The following CORO7 variants were observed in gnomAD, a reference collection of about 807,000 sequenced individuals.
The protein encoded by CORO7 is coronin-7.
In CORO7, 107 loss-of-function variants were observed where a neutral mutation model predicts 126.6. The observed-to-expected ratio is 0.85, with a 90% CI of 0.72 to 0.99. The LOEUF is 0.99. Ranked by LOEUF, CORO7 falls within the 50% of genes least tolerant of loss-of-function variation. CORO7 has a pLI of 0.00. For synonymous variants in CORO7, 603 were observed against 536.8 expected (o/e 1.12, Z -1.70); for missense variants, 1,314 against 1,255.8 (o/e 1.05, Z -0.70).
chr16:4,406,689 C>T (rs1225239168), intron 5 of CORO7, among the ~76,000 whole-genome samples: 5 of 151,974 alleles, frequency 3.3e-5, no homozygotes, highest in African/African-American at 4.8e-5. Context: ...TGCAATGGCA[C>T]GATCTCTCTT....
chr16:4,356,168 G>A (rs1343813380), intron 26 of CORO7, among the ~76,000 whole-genome samples: 1 of 151,584 alleles, frequency 6.6e-6, no homozygotes. Context: ...GGTCAGGCTG[G>A]TGTCGAACTC....
At chr16:4,398,395 G>A (rs889241817) in intron 6 of CORO7, among the ~76,000 whole-genome samples, 2 of 152,174 alleles carry the variant, frequency 1.3e-5, no homozygotes, top group African/African-American at 4.8e-5. Context: ...CGGGCGCGGT[G>A]GCTCACGCCT....
intron 25 of CORO7, 54 bp from the exon 26 acceptor site, chr16:4,357,313 G>C (rs894660447): frequency 6.7e-7 from 1 of 1,501,596 alleles, no homozygotes; most frequent in South Asian, 1.3e-5. Flanking sequence ...GGGCTCTTTG[G>C]TGCCAAGCCC....
At position 4,364,603 on chromosome 16, in the gene CORO7, G is replaced by A. The variant is rs1216642753; in HGVS notation, c.1131C>T (p.Asn377=). 3 of 1,559,894 alleles carry A rather than the reference G, an allele frequency of 1.9e-6. No homozygotes were observed. The highest frequency in any genetic ancestry group is 2.7e-5 in the African/African-American group (2 of 73,980). ...TDPHSWWAGD[N]QQVQKVSLNP... is the part of the protein sequence containing the mutation. Reference sequence around the variant, plus strand: ...GAGCCAGCCCTGGTCCTACCTGCTGGTTGTCCCCAGCCCACCAGCTATGGG... The same window carrying A: ...GAGCCAGCCCTGGTCCTACCTGCTGATTGTCCCCAGCCCACCAGCTATGGG... The change falls in exon 13 of 28, where the codon AAC becomes AAT. Residue 377 remains asparagine, a synonymous_variant. Transcript: ENST00000251166.
chr16:4,372,144 C>A (rs944682549), intron 9 of CORO7, among the ~76,000 whole-genome samples: 1 of 151,830 alleles, frequency 6.6e-6, no homozygotes, highest in African/African-American at 2.4e-5. Flanking sequence ...GGCCGCCCGG[C>A]GGGCAGGCCC....
Position 4,358,111 on chromosome 16 carries a change from G to C in CORO7, c.2458-8C>G. 8 of 1,609,598 alleles carry C rather than the reference G, an allele frequency of 5.0e-6. No individual in the cohort carries two copies. The highest frequency in any genetic ancestry group is 6.8e-6 in the Non-Finnish European group (8 of 1,176,792). On this transcript the variant is annotated splice_region_variant and splice_polypyrimidine_tract_variant and intron_variant, in intron 24 of 27. Transcript: ENST00000251166. ...ATCCTGGAAGAACTCTTTCTGCAGA[G>C]GGAGAAACGGGCTGTCCTGAGACAT...
chr16:4,357,169 T>A lies in CORO7; in HGVS notation c.2684A>T (p.Glu895Val). ...EEKSDQQKKEELLNAMVAKLG... is the reference protein window; with the variant it reads ...EEKSDQQKKEVLLNAMVAKLG... ...ACAGCTGCTCTCTCCCATGCCTACCTCCTCCTTCTTTTGCTGGTCAGACTT... is the reference window on the plus strand; with the variant it reads ...ACAGCTGCTCTCTCCCATGCCTACCACCTCCTTCTTTTGCTGGTCAGACTT... Residue 895 changes from glutamate to valine, a missense_variant and splice_region_variant, in exon 26 of 28, where the codon GAG (glutamate) becomes GTG (valine). Glu to Val is a moderately radical substitution (Grantham distance 121, BLOSUM62 -2). Coordinates refer to ENST00000251166, the MANE Select transcript of CORO7 (RefSeq NM_024535.5). The A allele has an allele frequency of 6.2e-7, 1 of 1,613,790 alleles. No homozygotes were observed. The highest frequency in any genetic ancestry group is 8.5e-7 in the Non-Finnish European group (1 of 1,179,974).
chr16:4,365,166 CCA>C, intron 10 of CORO7, 106 bp from the exon 11 acceptor site: 1 of 1,491,274 alleles, frequency 6.7e-7, no homozygotes, highest in Admixed American at 2.0e-5. Context: ...AGCCACAGAA[CCA>C]CAGTGGCTGG....
intron 1 of CORO7, among the ~76,000 whole-genome samples, chr16:4,413,713 T>G (rs1015386691): frequency 6.6e-6 from 1 of 151,754 alleles, no homozygotes; most frequent in African/African-American, 2.4e-5. Context: ...AATTTTTGTA[T>G]TGTTAGTAGA....
At chr16:4,361,880 GA>G in intron 16 of CORO7, 104 bp downstream of exon 16, 1 of 1,502,558 alleles carries the variant, frequency 6.7e-7, no homozygotes, top group South Asian at 1.2e-5. Context: ...GCAGGAGCCT[GA>G]CACAAGGTTT....
chr16:4,416,591 G>C lies in CORO7; in HGVS notation c.-73C>G. On this transcript the variant is annotated 5_prime_UTR_variant, in exon 1 of 28. Transcript: ENST00000251166. ...GGTCTCAGGTGCACGCTGAGCAACC[G>C]CGACTCCCGCTGCCTCGGCCCCACC... 6.5e-7 allele frequency: 1 copy of C among 1,536,458 alleles called. No homozygotes were observed. The highest frequency in any genetic ancestry group is 8.7e-7 in the Non-Finnish European group (1 of 1,148,690).
chr16:4,395,211 A>G, intron 7 of CORO7, 78 bp downstream of exon 7: 1 of 1,603,968 alleles, frequency 6.2e-7, no homozygotes, highest in South Asian at 1.1e-5. Context: ...GCCTGCCCCT[A>G]CCTCCACCTG....
chr16:4,357,620 T>G (rs2054019827), intron 25 of CORO7: 3 of 349,530 alleles, frequency 8.6e-6, no homozygotes, highest in Non-Finnish European at 1.6e-5. Flanking sequence ...CCTCCTAAAG[T>G]GCTGGGATTA....
rs1236785003 is a variant in CORO7 at position 4,358,495 on chromosome 16, A to C, written c.2341-12T>G. On this transcript the variant is annotated splice_polypyrimidine_tract_variant and intron_variant, in intron 23 of 27. Transcript: ENST00000251166. ...AGGAGGACGAGGCCCTGGGGGAGCAAGGGAGTCGGAGCTGCCGCTGGGACC... is the reference window on the plus strand; with the variant it reads ...AGGAGGACGAGGCCCTGGGGGAGCACGGGAGTCGGAGCTGCCGCTGGGACC... The C allele has an allele frequency of 6.3e-7, 1 of 1,576,760 alleles. No homozygotes were observed. The highest frequency in any genetic ancestry group is 1.1e-5 in the South Asian group (1 of 88,382).
chr16:4,367,206 G>A (rs924881593), intron 9 of CORO7, among the ~76,000 whole-genome samples: 31 of 152,306 alleles, frequency 2.0e-4, no homozygotes, highest in Non-Finnish European at 3.7e-4. Flanking sequence ...AGGGTGAGCC[G>A]GGCTCAGCAA....
At chr16:4,383,751 C>G (rs975180034) in intron 9 of CORO7, among the ~76,000 whole-genome samples, 3 of 152,246 alleles carry the variant, frequency 2.0e-5, no homozygotes, top group African/African-American at 7.2e-5. Flanking sequence ...CAGGGAGCCT[C>G]ACCTTCCCCA....
intron 3 of CORO7, among the ~76,000 whole-genome samples, chr16:4,411,474 G>T (rs2056205101): frequency 6.6e-6 from 1 of 152,090 alleles, no homozygotes; most frequent in Non-Finnish European, 1.5e-5. Flanking sequence ...GGTTGACTTG[G>T]GAGGATTGCT....
intron 1 of CORO7, among the ~76,000 whole-genome samples, chr16:4,415,072 T>A (rs1187457299): frequency 1.3e-5 from 2 of 152,118 alleles, no homozygotes; most frequent in Admixed American, 6.5e-5. Flanking sequence ...TTCGCAATGT[T>A]GCCCAGGCTG....
intron 6 of CORO7, among the ~76,000 whole-genome samples, chr16:4,401,279 G>A (rs377149927): frequency 8.1e-4 from 124 of 152,330 alleles, no homozygotes; most frequent in African/African-American, 2.8e-3. Context: ...TGGGGGAGGA[G>A]AGGCCACGTG....
Sources: gnomAD v4.1 joint callset for allele counts (sites outside exome capture counted in the v4.1 genomes callset) on GRCh38, gnomAD v4.1.1 for gene constraint, MANE v1.5 for transcripts, NCBI Gene and HGNC (gene_info 2026-07-23, HGNC 2026-07-21) for gene names.